DLG2: variants seen among roughly 807,000 people sequenced by gnomAD.
DLG2 encodes disks large homolog 2.
A neutral mutation model predicts 132.5 loss-of-function variants in DLG2; 45 were observed. That is an observed-to-expected ratio of 0.34 (90% CI 0.27 to 0.44). DLG2 has a LOEUF of 0.44. DLG2 is among the 20% of genes least tolerant of loss of function. The pLI is 1.00. For missense variants in DLG2, 1,045 were observed against 1,196.9 expected (o/e 0.87, Z 1.87); for synonymous variants, 424 against 419.6 (o/e 1.01, Z -0.13).
At chr11:83,489,847 A>G (rs1441512937) in intron 21 of DLG2, among the ~76,000 whole-genome samples, 1 of 151,916 alleles carries the variant, frequency 6.6e-6, no homozygotes, top group Non-Finnish European at 1.5e-5. Flanking sequence ...AAACACATGG[A>G]TGTTGTTGGG....
chr11:85,520,919 A>C (rs931815054), intron 3 of DLG2, among the ~76,000 whole-genome samples: 1 of 152,226 alleles, frequency 6.6e-6, no homozygotes, highest in Non-Finnish European at 1.5e-5. Flanking sequence ...TACTAAAAAA[A>C]AACATCAGAG....
At chr11:83,932,617 A>G (rs1021513023) in intron 14 of DLG2, among the ~76,000 whole-genome samples, 5 of 152,220 alleles carry the variant, frequency 3.3e-5, no homozygotes, top group Admixed American at 6.5e-5. Context: ...AGCACAGTAC[A>G]GTATACAGAA....
chr11:85,462,626 G>GA (rs773110904), intron 3 of DLG2, among the ~76,000 whole-genome samples: 1 of 151,258 alleles, frequency 6.6e-6, no homozygotes, highest in Non-Finnish European at 1.5e-5. Flanking sequence ...ACAGGAAGGG[G>GA]AACATCACAC....
intron 6 of DLG2, among the ~76,000 whole-genome samples, chr11:85,013,485 C>T (rs1228347740): frequency 2.0e-5 from 3 of 152,208 alleles, no homozygotes; most frequent in South Asian, 4.2e-4. Flanking sequence ...ACATTCAAAA[C>T]CCTAAGTGTC....
Position 83,520,311 on chromosome 11 carries a change from A to G in DLG2, c.2193+12397T>C, listed in dbSNP as rs531355407. On this transcript the variant is annotated intron_variant, in intron 21 of 27. Coordinates refer to ENST00000376104, the MANE Select transcript of DLG2 (RefSeq NM_001142699.3). Reference sequence around the variant, plus strand: ...TCTCAGAACTCTGTGAATGAATGGAAACTGCATTACGGTTATCACTACTAA... The same window carrying G: ...TCTCAGAACTCTGTGAATGAATGGAGACTGCATTACGGTTATCACTACTAA... Among the ~76,000 whole-genome samples the G allele has an allele frequency of 1.6e-4, 24 of 152,322 alleles. No homozygotes were observed. In the East Asian group the frequency reaches 4.6e-3, roughly 29 times the overall value.
chr11:84,476,673 G>T (rs1161602908), intron 7 of DLG2, among the ~76,000 whole-genome samples: 1 of 152,184 alleles, frequency 6.6e-6, no homozygotes, highest in East Asian at 1.9e-4. Flanking sequence ...TCTCCCAGGA[G>T]GCTTGCCTTT....
At chr11:83,539,625 G>A (rs2096001447) in intron 20 of DLG2, among the ~76,000 whole-genome samples, 1 of 151,200 alleles carries the variant, frequency 6.6e-6, no homozygotes, top group Non-Finnish European at 1.5e-5. Flanking sequence ...TGGCAGAAAT[G>A]TATTTACAGC....
At chr11:85,009,146 A>G (rs1031758965) in intron 6 of DLG2, among the ~76,000 whole-genome samples, 4 of 152,108 alleles carry the variant, frequency 2.6e-5, no homozygotes, top group African/African-American at 9.6e-5. Context: ...TGCAAGCCAT[A>G]GTAAGAAAGG....
At chr11:84,743,941 G>T (rs187312597) in intron 6 of DLG2, among the ~76,000 whole-genome samples, 10 of 152,042 alleles carry the variant, frequency 6.6e-5, no homozygotes, top group Non-Finnish European at 1.5e-5. Flanking sequence ...GGCCAGGCTG[G>T]TCTTGAACTC....
chr11:85,021,412 T>C, intron 6 of DLG2: 3 of 1,387,126 alleles, frequency 2.2e-6, no homozygotes, highest in Non-Finnish European at 3.1e-6. Flanking sequence ...CAGGTTAATA[T>C]CTAAAACCTG....
At chr11:84,119,558 T>G (rs1369950268) in intron 9 of DLG2, among the ~76,000 whole-genome samples, 2 of 152,038 alleles carry the variant, frequency 1.3e-5, no homozygotes, top group African/African-American at 4.8e-5. Flanking sequence ...AGGGTTGTGT[T>G]TGCTTAATAG....
At chr11:85,267,636 T>G (rs554498904) in intron 4 of DLG2, among the ~76,000 whole-genome samples, 1 of 152,118 alleles carries the variant, frequency 6.6e-6, no homozygotes, top group Non-Finnish European at 1.5e-5. Flanking sequence ...CCATGTGGAA[T>G]CAGTTATTTA....
At chr11:84,989,319 G>A (rs987603309) in intron 6 of DLG2, among the ~76,000 whole-genome samples, 2 of 152,096 alleles carry the variant, frequency 1.3e-5, no homozygotes, top group African/African-American at 4.8e-5. Context: ...GGGATTATAG[G>A]CATCTGCCAC....
At chr11:84,502,204 TTCCTTCCTTCCTTC>T (rs2099211374) in intron 7 of DLG2, among the ~76,000 whole-genome samples, 2 of 5,276 alleles carry the variant, frequency 3.8e-4, no homozygotes, top group Non-Finnish European at 6.5e-4. Flanking sequence ...CTCTCTCTCC[TTCCTTCCTTCCTTC>T]CTTCCTTCCT....
intron 10 of DLG2, among the ~76,000 whole-genome samples, chr11:84,096,074 T>C (rs1239472552): frequency 6.6e-6 from 1 of 152,214 alleles, no homozygotes; most frequent in East Asian, 1.9e-4. Context: ...GACCACATGA[T>C]GTAGGGATTC....
At chr11:84,790,766 G>C (rs538822685) in intron 6 of DLG2, among the ~76,000 whole-genome samples, 3 of 152,148 alleles carry the variant, frequency 2.0e-5, no homozygotes, top group African/African-American at 7.2e-5. Flanking sequence ...TTTTGTATAC[G>C]ATGAGAGACA....
chr11:84,429,147 A>G (rs1275139379), intron 7 of DLG2, among the ~76,000 whole-genome samples: 1 of 152,152 alleles, frequency 6.6e-6, no homozygotes, highest in East Asian at 1.9e-4. Context: ...CTTCTTACTA[A>G]TGGTCAAGGA....
intron 3 of DLG2, among the ~76,000 whole-genome samples, chr11:85,548,230 C>T (rs1457997536): frequency 6.6e-6 from 1 of 152,204 alleles, no homozygotes; most frequent in East Asian, 1.9e-4. Context: ...AGTTTTCCTT[C>T]TGACAGTCAG....
intron 6 of DLG2, among the ~76,000 whole-genome samples, chr11:84,914,105 T>C (rs889995792): frequency 7.9e-5 from 12 of 152,206 alleles, no homozygotes; most frequent in African/African-American, 2.9e-4. Flanking sequence ...TAGTTATACC[T>C]ATAGAAATAA....
Sources: allele counts gnomAD v4.1 joint callset (sites outside exome capture counted in the v4.1 genomes callset), GRCh38; gene constraint gnomAD v4.1.1; transcripts MANE v1.5; gene names NCBI Gene and HGNC (gene_info 2026-07-23, HGNC 2026-07-21).